Variants in MAML3 observed in about 807,000 individuals in gnomAD.
MAML3 encodes the protein mastermind-like protein 3.
In MAML3, 27 loss-of-function variants were observed where a neutral mutation model predicts 101.9. The ratio of observed to expected loss-of-function variants is 0.27; its 90% confidence interval spans 0.20 to 0.37. The LOEUF (loss-of-function observed/expected upper bound fraction) is 0.37. Among genes scored for constraint, MAML3 ranks in the 10% least tolerant of loss-of-function variants. MAML3 has a pLI of 1.00. For synonymous variants in MAML3, 501 were observed against 555.9 expected, an observed-to-expected ratio of 0.90 and a Z score of 1.39; for missense variants, 1,316 against 1,444.9, an observed-to-expected ratio of 0.91 and a Z score of 1.45.
intron 1 of MAML3, among the ~76,000 whole-genome samples, chr4:140,116,406 T>G (rs567209789): frequency 6.6e-6 from 1 of 152,204 alleles, no homozygotes; most frequent in Non-Finnish European, 1.5e-5. Context: ...GACACCTATA[T>G]AGAGAACATT....
chr4:140,132,587 C>T (rs1029256844), intron 1 of MAML3, among the ~76,000 whole-genome samples: 12 of 152,172 alleles, frequency 7.9e-5, no homozygotes, highest in Admixed American at 6.5e-5. Flanking sequence ...TACTCAGAAG[C>T]AATTGCTGTT....
chr4:140,086,728 G>A (rs1560889098), intron 1 of MAML3, among the ~76,000 whole-genome samples: 5 of 152,064 alleles, frequency 3.3e-5, no homozygotes, highest in South Asian at 4.2e-4. Context: ...AGAGGGGAAG[G>A]GGACCATGAA....
intron 2 of MAML3, among the ~76,000 whole-genome samples, chr4:139,822,225 T>C (rs866861286): frequency 1.3e-4 from 17 of 126,676 alleles, no homozygotes; most frequent in East Asian, 2.5e-4. Context: ...ATTATCACCA[T>C]CACCACCACC....
At chr4:140,029,308 C>A (rs368652499) in intron 1 of MAML3, among the ~76,000 whole-genome samples, 2 of 152,128 alleles carry the variant, frequency 1.3e-5, no homozygotes, top group African/African-American at 4.8e-5. Flanking sequence ...ACTGCCACTG[C>A]GATTAGAACA....
chr4:139,835,932 T>A (rs569308376), intron 2 of MAML3, among the ~76,000 whole-genome samples: 13 of 152,294 alleles, frequency 8.5e-5, no homozygotes, highest in African/African-American at 2.6e-4. Flanking sequence ...TTCAGGGAGC[T>A]GAGACTCAGG....
chr4:139,756,737 T>G (rs1189602776), intron 2 of MAML3, among the ~76,000 whole-genome samples: 1 of 152,224 alleles, frequency 6.6e-6, no homozygotes, highest in African/African-American at 2.4e-5. Context: ...TCTGACAGTT[T>G]GGCACCCGTG....
At chr4:140,081,533 T>A (rs369075358) in intron 1 of MAML3, among the ~76,000 whole-genome samples, 2 of 152,164 alleles carry the variant, frequency 1.3e-5, no homozygotes, top group Non-Finnish European at 2.9e-5. Flanking sequence ...ATGCAGGCAT[T>A]GGTTGGCTGA....
Position 140,137,081 on chromosome 4 carries a change from C to T in MAML3, c.468+15779G>A, listed in dbSNP as rs531579113. ...TCGGCTCACTGCAGGCTCCGCCTCC[C>T]GGGTTCACGCCATTCTCCTGCCTCA... On this transcript the variant is annotated intron_variant, in intron 1 of 4. Coordinates refer to ENST00000509479, the MANE Select transcript of MAML3 (RefSeq NM_018717.5). Among the ~76,000 whole-genome samples, 44 of 152,350 alleles carry T rather than the reference C, an allele frequency of 2.9e-4. No individual in the cohort carries two copies. The East Asian group carries it at 7.3e-3, about 25-fold the overall frequency.
intron 2 of MAML3, among the ~76,000 whole-genome samples, chr4:139,748,124 C>T (rs1729386243): frequency 7.0e-6 from 1 of 143,866 alleles, no homozygotes; most frequent in African/African-American, 2.6e-5. Context: ...GATGGGAAAA[C>T]AAATTCACAG....
intron 2 of MAML3, among the ~76,000 whole-genome samples, chr4:139,821,543 G>A (rs997882683): frequency 5.9e-5 from 9 of 152,222 alleles, no homozygotes; most frequent in Non-Finnish European, 1.0e-4. Flanking sequence ...GTGCCAAAAA[G>A]GTTGGGGACC....
chr4:139,791,991 T>TA (rs1578603287), intron 2 of MAML3, among the ~76,000 whole-genome samples: 1 of 152,232 alleles, frequency 6.6e-6, no homozygotes, highest in African/African-American at 2.4e-5. Flanking sequence ...TGTTTGAACT[T>TA]AGATCCTTTG....
intron 1 of MAML3, among the ~76,000 whole-genome samples, chr4:140,119,191 G>T (rs1479200106): frequency 6.6e-6 from 1 of 152,076 alleles, no homozygotes; most frequent in African/African-American, 2.4e-5. Flanking sequence ...TCACACAATA[G>T]AAAAACCTAT....
chr4:140,001,527 G>T (rs1187428070), intron 1 of MAML3, among the ~76,000 whole-genome samples: 1 of 152,102 alleles, frequency 6.6e-6, no homozygotes, highest in Non-Finnish European at 1.5e-5. Flanking sequence ...CCCTGTCCTG[G>T]GTCACCACTT....
rs370899116 is a variant in MAML3 at position 140,137,126 on chromosome 4, T to C, written c.468+15734A>G. Among the ~76,000 whole-genome samples, 971 of 152,266 alleles carry C rather than the reference T, an allele frequency of 6.4e-3. 7 individuals carry two copies. Among genetic ancestry groups the C allele is most frequent in the African/African-American group, 0.021 (878 of 41,538 alleles). ...GCCTCAGCCTCCTGAGTAGCTGGGA[T>C]TACAGGCGCCCGCCACCGCGCCCGG... On this transcript the variant is annotated intron_variant, in intron 1 of 4. Transcript: ENST00000509479.
At chr4:139,872,912 T>C (rs1017927088) in intron 2 of MAML3, among the ~76,000 whole-genome samples, 1 of 151,836 alleles carries the variant, frequency 6.6e-6, no homozygotes, top group Admixed American at 6.6e-5. Context: ...ACCCCGTCTA[T>C]ACTAAAAATA....
At chr4:139,814,178 C>A (rs184308114) in intron 2 of MAML3, among the ~76,000 whole-genome samples, 2 of 151,896 alleles carry the variant, frequency 1.3e-5, no homozygotes, top group South Asian at 2.1e-4. Flanking sequence ...GGTAGAAAGT[C>A]GATAAGTAGT....
intron 1 of MAML3, among the ~76,000 whole-genome samples, chr4:139,969,896 G>A (rs574064540): frequency 6.6e-6 from 1 of 152,308 alleles, no homozygotes; most frequent in East Asian, 1.9e-4. Flanking sequence ...GTAGACACAT[G>A]TTAAGTAACA....
At chr4:140,148,372 A>G (rs1729099346) in intron 1 of MAML3, among the ~76,000 whole-genome samples, 1 of 152,218 alleles carries the variant, frequency 6.6e-6, no homozygotes. Context: ...ACCAAATAAC[A>G]TAATAGAATT....
At chr4:140,054,330 C>A (rs1184725591) in intron 1 of MAML3, among the ~76,000 whole-genome samples, 2 of 147,078 alleles carry the variant, frequency 1.4e-5, no homozygotes, top group Admixed American at 6.9e-5. Flanking sequence ...GATTGCACCA[C>A]TGCACTGCGA....
Sources: allele counts gnomAD v4.1 joint callset (sites outside exome capture counted in the v4.1 genomes callset), GRCh38; gene constraint gnomAD v4.1.1; transcripts MANE v1.5; gene names NCBI Gene and HGNC (gene_info 2026-07-23, HGNC 2026-07-21).